PTPRD: variants seen among roughly 807,000 people sequenced by gnomAD.
PTPRD encodes receptor-type tyrosine-protein phosphatase delta.
In PTPRD, 34 loss-of-function variants were observed where a neutral mutation model predicts 214.5. The ratio of observed to expected loss-of-function variants is 0.16; its 90% CI spans 0.12 to 0.21. PTPRD has a LOEUF of 0.21. PTPRD is among the 10% of genes least tolerant of loss of function. PTPRD has a pLI of 1.00. For synonymous variants in PTPRD, 1,128 were observed against 845.7 expected (o/e 1.33, Z -5.79); for missense variants, 2,545 against 2,398.7 (o/e 1.06, Z -1.27).
At chr9:9,982,551 C>T (rs1218134999) in intron 4 of PTPRD, among the ~76,000 whole-genome samples, 1 of 151,254 alleles carries the variant, frequency 6.6e-6, no homozygotes, top group Non-Finnish European at 1.5e-5. Context: ...TATTTATGAT[C>T]ACAGAAAAGT....
chr9:8,930,655 T>G (rs1315982370), intron 11 of PTPRD, among the ~76,000 whole-genome samples: 1 of 152,228 alleles, frequency 6.6e-6, no homozygotes, highest in Non-Finnish European at 1.5e-5. Context: ...ATCACCATTC[T>G]AACTGGTGTG....
At chr9:8,774,399 A>G (rs969469474) in intron 11 of PTPRD, among the ~76,000 whole-genome samples, 2 of 152,190 alleles carry the variant, frequency 1.3e-5, no homozygotes, top group Non-Finnish European at 2.9e-5. Context: ...TAGAGATTAC[A>G]GGAGAGAGCT....
At chr9:9,128,216 T>A (rs1223410186) in intron 10 of PTPRD, among the ~76,000 whole-genome samples, 1 of 152,210 alleles carries the variant, frequency 6.6e-6, no homozygotes, top group Non-Finnish European at 1.5e-5. Context: ...ACTCATAATA[T>A]TTACCATTGT....
intron 4 of PTPRD, among the ~76,000 whole-genome samples, chr9:9,975,270 C>T (rs761011863): frequency 2.6e-5 from 4 of 152,202 alleles, no homozygotes; most frequent in South Asian, 2.1e-4. Flanking sequence ...AGCTTTAAGA[C>T]AAATCCTCTA....
chr9:8,661,562 T>C (rs1376842511), intron 12 of PTPRD, among the ~76,000 whole-genome samples: 2 of 152,156 alleles, frequency 1.3e-5, no homozygotes, highest in South Asian at 4.1e-4. Context: ...CAGGTAAGAA[T>C]AGCTGTAATT....
intron 4 of PTPRD, among the ~76,000 whole-genome samples, chr9:10,008,766 A>G (rs1402031514): frequency 6.6e-6 from 1 of 152,026 alleles, no homozygotes; most frequent in Non-Finnish European, 1.5e-5. Flanking sequence ...TAAAAAGATC[A>G]TGATACTTCA....
chr9:9,553,174 A>G (rs1412148802), intron 8 of PTPRD, among the ~76,000 whole-genome samples: 3 of 152,076 alleles, frequency 2.0e-5, no homozygotes, highest in Non-Finnish European at 4.4e-5. Context: ...ATTTCCTTTG[A>G]TATTGTGAAA....
At chr9:10,592,098 A>C (rs566583086) in intron 2 of PTPRD, among the ~76,000 whole-genome samples, 61 of 152,218 alleles carry the variant, frequency 4.0e-4, no homozygotes, top group African/African-American at 1.4e-3. Context: ...AAAACACAGA[A>C]ACTCTAGTGA....
intron 10 of PTPRD, among the ~76,000 whole-genome samples, chr9:9,019,301 A>AAAGAAAGAAAGAAAGAAAGAAAGGAAGG (rs1569428340): frequency 8.5e-5 from 6 of 70,684 alleles, no homozygotes; most frequent in African/African-American, 3.4e-4. Flanking sequence ...AGAAAGAAAG[A>AAAGAAAGAAAGAAAGAAAGAAAGGAAGG]AAGAAAGAAA....
intron 8 of PTPRD, among the ~76,000 whole-genome samples, chr9:9,547,324 G>A (rs1004517322): frequency 2.6e-5 from 4 of 152,012 alleles, no homozygotes; most frequent in Non-Finnish European, 5.9e-5. Flanking sequence ...CATTTGAAAT[G>A]CTCTACTTCC....
At chr9:8,676,312 C>T (rs1049041344) in intron 12 of PTPRD, among the ~76,000 whole-genome samples, 12 of 152,016 alleles carry the variant, frequency 7.9e-5, no homozygotes, top group African/African-American at 2.9e-4. Context: ...AGCTTACCCT[C>T]CATTATAGTA....
intron 12 of PTPRD, among the ~76,000 whole-genome samples, chr9:8,709,670 A>T (rs1433554195): frequency 6.6e-6 from 1 of 152,156 alleles, no homozygotes; most frequent in Non-Finnish European, 1.5e-5. Flanking sequence ...TAAAATATCC[A>T]GTTATATTCA....
chr9:10,296,594 T>G (rs1327485972), intron 3 of PTPRD, among the ~76,000 whole-genome samples: 3 of 152,088 alleles, frequency 2.0e-5, no homozygotes, highest in Non-Finnish European at 4.4e-5. Context: ...TTCTTTCTTG[T>G]CAATACTCTA....
chr9:9,674,525 T>C (rs2096892923), intron 7 of PTPRD, among the ~76,000 whole-genome samples: 1 of 151,742 alleles, frequency 6.6e-6, no homozygotes, highest in South Asian at 2.1e-4. Context: ...ACAAGAAGTG[T>C]TTAGTTGATT....
chr9:8,760,560 A>G (rs1364580104), intron 11 of PTPRD, among the ~76,000 whole-genome samples: 4 of 150,852 alleles, frequency 2.7e-5, no homozygotes, highest in Non-Finnish European at 5.9e-5. Context: ...TGGAGAACTC[A>G]GTGTGCATTT....
At chr9:10,298,840 A>C (rs2095771844) in intron 3 of PTPRD, among the ~76,000 whole-genome samples, 2 of 152,076 alleles carry the variant, frequency 1.3e-5, no homozygotes, top group African/African-American at 4.8e-5. Flanking sequence ...AAGGCTTTGT[A>C]TATTTAAGCA....
intron 5 of PTPRD, among the ~76,000 whole-genome samples, chr9:9,885,911 A>T (rs1260667663): frequency 2.0e-5 from 3 of 152,072 alleles, no homozygotes; most frequent in Non-Finnish European, 4.4e-5. Flanking sequence ...TGCCTATCTG[A>T]AAGAGATCTG....
At chr9:8,910,864 TA>T (rs1172683628) in intron 11 of PTPRD, among the ~76,000 whole-genome samples, 2 of 152,184 alleles carry the variant, frequency 1.3e-5, no homozygotes, top group African/African-American at 4.8e-5. Context: ...CATAATAGGA[TA>T]AAAACACTCA....
chr9:8,540,709 C>T (rs2078184628), intron 14 of PTPRD, among the ~76,000 whole-genome samples: 1 of 152,018 alleles, frequency 6.6e-6, no homozygotes, highest in Non-Finnish European at 1.5e-5. Flanking sequence ...ATCCACCTTC[C>T]CCTCAGCTCA....
Sources: gnomAD v4.1 joint callset for allele counts (sites outside exome capture counted in the v4.1 genomes callset) on GRCh38, gnomAD v4.1.1 for gene constraint, MANE v1.5 for transcripts, NCBI Gene and HGNC (gene_info 2026-07-23, HGNC 2026-07-21) for gene names.